ASAP3: variants seen among roughly 807,000 people sequenced by gnomAD.
ASAP3 encodes arf-GAP with SH3 domain, ANK repeat and PH domain-containing protein 3.
In ASAP3, 85 loss-of-function variants were observed where a neutral mutation model predicts 118.2. The ratio of observed to expected loss-of-function variants is 0.72; its 90% CI spans 0.60 to 0.86. The LOEUF (loss-of-function observed/expected upper bound fraction) is 0.86. Ranked by LOEUF, ASAP3 falls within the 40% of genes least tolerant of loss-of-function variation. The probability of loss-of-function intolerance (pLI) is 0.00; values close to 1 mark genes in which losing one functional copy is unlikely to be tolerated. For missense variants in ASAP3, 1,026 were observed against 1,175.0 expected (o/e 0.87, Z 1.85); for synonymous variants, 432 against 477.4 (o/e 0.90, Z 1.24).
Position 23,438,826 on chromosome 1 carries a change from C to A in ASAP3, c.1023G>T (p.Arg341=). 1 of 1,614,176 alleles carries A rather than the reference C, an allele frequency of 6.2e-7. No homozygotes were observed. Among genetic ancestry groups the A allele is most frequent in the East Asian group, 2.2e-5 (1 of 44,880 alleles). ...TCAGCAGGGTCAGCTTCACCGGGGG[C>A]CGGTTTATCTGTGGGAATTTAGGGG... The part of the protein sequence containing the change: ...CLTISHSTIN[R]PPVKLTLLTC... The change falls in exon 12 of 25, where the codon CGG becomes CGT. Residue 341 remains arginine (R), a synonymous_variant. Coordinates refer to ENST00000336689, the MANE Select transcript of ASAP3 (RefSeq NM_017707.4). The surrounding 1 kb of genome is among the most constrained non-coding windows in gnomAD (Gnocchi z 4.9).
chr1:23,431,076 C>T lies in ASAP3; in HGVS notation c.2596G>A (p.Gly866Ser). ...GGCAGAGGCTGCCTGGCTGAGGGAC[C>T]ATCTTCAGGGCTCCGCGCCCCCCGC... ...YRRGARSPEDGPSARQPLPRR... is the reference protein window; with the variant it reads ...YRRGARSPEDSPSARQPLPRR... The change falls in exon 24 of 25, where the codon GGT becomes AGT. Residue 866 changes from glycine to serine, a missense_variant. Gly to Ser is a moderately conservative substitution (Grantham distance 56). Coordinates refer to ENST00000336689, the MANE Select transcript of ASAP3 (RefSeq NM_017707.4). 1 of 1,585,846 alleles carries T rather than the reference C, an allele frequency of 6.3e-7. No homozygotes were observed. Among genetic ancestry groups the T allele is most frequent in the Non-Finnish European group, 8.6e-7 (1 of 1,166,932 alleles).
chr1:23,472,209 T>A (rs1326268002), intron 1 of ASAP3, among the ~76,000 whole-genome samples: 2 of 152,322 alleles, frequency 1.3e-5, no homozygotes, highest in Non-Finnish European at 2.9e-5. Flanking sequence ...AATTGTACAT[T>A]TTAAAATGGT....
At chr1:23,454,294 CT>C (rs1424202048) in intron 3 of ASAP3, among the ~76,000 whole-genome samples, 2 of 151,112 alleles carry the variant, frequency 1.3e-5, no homozygotes, top group Admixed American at 6.6e-5. Context: ...TCAAGTGATT[CT>C]CCTGCCTCAG....
Position 23,436,106 on chromosome 1 carries a change from T to G in ASAP3, c.1572-78A>C, listed in dbSNP as rs1260369043. ...ATCCCTGGGGCCCTCCCACAGGAGATACAGCTCTCTTTTTCTCCAGAACCA... is the reference window on the plus strand; with the variant it reads ...ATCCCTGGGGCCCTCCCACAGGAGAGACAGCTCTCTTTTTCTCCAGAACCA... On this transcript the variant is annotated intron_variant, in intron 16 of 24. Transcript: ENST00000336689. This position sits in a 1 kb window ranked among gnomAD's most constrained non-coding sequence, Gnocchi z 4.2. The G allele has an allele frequency of 1.4e-6, 2 of 1,477,964 alleles. No individual in the cohort carries two copies. The highest frequency in any genetic ancestry group is 1.9e-6 in the Non-Finnish European group (2 of 1,064,228). 91.6% of individuals were successfully genotyped at this position (1,477,964 alleles called of 1,614,324 possible). A position where few individuals can be genotyped will look rare whatever the true frequency, so the allele number is the denominator to read the frequency against.
rs900902771 is a variant in ASAP3 at position 23,467,975 on chromosome 1, GA to G, written c.130-11782del. Reference sequence around the variant, plus strand: ...TCAAAAAAAAAAAAAAAAAGAAAAAGAAAAAAAAAATACAACCTAAAACTTG... The same window carrying G: ...TCAAAAAAAAAAAAAAAAAGAAAAAGAAAAAAAAATACAACCTAAAACTTG... On this transcript the variant is annotated intron_variant, in intron 1 of 24. Transcript: ENST00000336689. 8.0e-4 allele frequency among the ~76,000 whole-genome samples: 116 copies of G among 144,366 alleles called. 1 individual carries two copies. The highest frequency in any genetic ancestry group is 1.5e-3 in the Admixed American group (21 of 14,398). 94.7% of individuals were successfully genotyped at this position (144,366 alleles called of 152,430 possible). A position where few individuals can be genotyped will look rare whatever the true frequency, so the allele number is the denominator to read the frequency against.
intron 1 of ASAP3, among the ~76,000 whole-genome samples, chr1:23,464,388 T>C (rs890592902): frequency 6.6e-6 from 1 of 151,658 alleles, no homozygotes; most frequent in Non-Finnish European, 1.5e-5. Context: ...GGTTTCGCCA[T>C]GTTGGCCAAG....
Position 23,429,828 on chromosome 1 carries a change from C to G in ASAP3, c.*28G>C. ...CCCAGCTCTGAACATTGGGGCCTAG[C>G]ATGGGGCATGTGGGGGCCAGCAAGG... On this transcript the variant is annotated 3_prime_UTR_variant, in exon 25 of 25. Coordinates refer to ENST00000336689, the MANE Select transcript of ASAP3 (RefSeq NM_017707.4). The G allele has an allele frequency of 1.2e-6, 2 of 1,609,570 alleles. No homozygotes were observed. Among genetic ancestry groups the G allele is most frequent in the Non-Finnish European group, 1.7e-6 (2 of 1,177,496 alleles).
chr1:23,441,545 G>A (rs1193403698), intron 8 of ASAP3, 72 bp from the exon 9 acceptor site: 5 of 1,600,084 alleles, frequency 3.1e-6, no homozygotes, highest in Non-Finnish European at 4.3e-6. Context: ...ACCCAGAAGA[G>A]CAGAGCAGTA....
intron 1 of ASAP3, among the ~76,000 whole-genome samples, chr1:23,483,321 G>T (rs1369864414): frequency 6.6e-6 from 1 of 152,240 alleles, no homozygotes; most frequent in African/African-American, 2.4e-5. Context: ...AGGAGCTGCG[G>T]AAAGCTGCAG....
At chr1:23,477,127 G>A (rs1371486536) in intron 1 of ASAP3, among the ~76,000 whole-genome samples, 1 of 150,320 alleles carries the variant, frequency 6.7e-6, no homozygotes. Flanking sequence ...AGCAATTCTC[G>A]TGCCTCAGCC....
intron 1 of ASAP3, among the ~76,000 whole-genome samples, chr1:23,474,571 G>C (rs1377458632): frequency 6.6e-6 from 1 of 151,788 alleles, no homozygotes; most frequent in African/African-American, 2.4e-5. Flanking sequence ...CCATTCCACA[G>C]CTTTATTTAT....
chr1:23,447,844 A>ATG (rs1273671220), intron 5 of ASAP3, among the ~76,000 whole-genome samples: 1 of 152,206 alleles, frequency 6.6e-6, no homozygotes, highest in African/African-American at 2.4e-5. Flanking sequence ...CTTTGACAAA[A>ATG]TGTACACAGC....
Position 23,455,932 on chromosome 1 carries a change from G to A in ASAP3, c.297C>T (p.Phe99=). ...SQNSHELSTG[F]LNLAVFTREV... ...CGCGGGTGAACACGGCCAAGTTTAG[G>A]AAGCCTGTGGACAGCTCATGGCTGT... Residue 99 remains phenylalanine, a synonymous_variant, in exon 3 of 25, where the codon TTC becomes TTT. Transcript: ENST00000336689. The A allele has an allele frequency of 6.2e-7, 1 of 1,614,160 alleles. No homozygotes were observed. The highest frequency in any genetic ancestry group is 8.5e-7 in the Non-Finnish European group (1 of 1,180,028).
At position 23,437,357 on chromosome 1, in the gene ASAP3, G is replaced by C. The variant is rs1640711832; in HGVS notation, c.1152-37C>G. 1 of 1,609,702 alleles carries C rather than the reference G, an allele frequency of 6.2e-7. No homozygotes were observed. The highest frequency in any genetic ancestry group is 1.3e-5 in the African/African-American group (1 of 74,872). On this transcript the variant is annotated intron_variant, in intron 13 of 24. Transcript: ENST00000336689. This position sits in a 1 kb window ranked among gnomAD's most constrained non-coding sequence, Gnocchi z 6.1. ...GAACGGGGTGGGATGGGGATGTCAA[G>C]TGGGAAGAGATAGGGCCGCCGGCCC...
At chr1:23,434,140 T>G (rs989987429) in intron 19 of ASAP3, 114 bp downstream of exon 19, 2 of 993,548 alleles carry the variant, frequency 2.0e-6, no homozygotes, top group Non-Finnish European at 3.1e-6. Flanking sequence ...GACAAACCCC[T>G]AAGATCACAG....
intron 1 of ASAP3, 27 bp from the exon 2 acceptor site, chr1:23,456,221 A>G (rs1221354634): frequency 6.2e-7 from 1 of 1,608,206 alleles, no homozygotes; most frequent in Non-Finnish European, 8.5e-7. Flanking sequence ...ACAGAGGTTC[A>G]GGGATGCCAA....
At chr1:23,449,666 A>G (rs1031724479) in intron 5 of ASAP3, among the ~76,000 whole-genome samples, 6 of 152,208 alleles carry the variant, frequency 3.9e-5, no homozygotes, top group Admixed American at 3.9e-4. Context: ...GGTGGGAGCC[A>G]GGAGACCACA....
At chr1:23,454,368 C>A (rs1198440) in intron 3 of ASAP3, among the ~76,000 whole-genome samples, 113,675 of 152,034 alleles carry the variant, frequency 0.75, 44,450 homozygotes, top group Middle Eastern at 0.89. Context: ...TGTATTTTTT[C>A]GCAAAGACAG....
intron 1 of ASAP3, among the ~76,000 whole-genome samples, chr1:23,460,412 C>CTGAGGTGGG (rs1641543305): frequency 6.7e-6 from 1 of 148,752 alleles, no homozygotes; most frequent in Non-Finnish European, 1.5e-5. Flanking sequence ...GAGGCTAAGG[C>CTGAGGTGGG]AGGAGAATCA....
Sources: gnomAD v4.1 joint callset for allele counts (sites outside exome capture counted in the v4.1 genomes callset) on GRCh38, gnomAD v4.1.1 for gene constraint, Gnocchi (gnomAD v3.1) non-coding constraint, MANE v1.5 for transcripts, NCBI Gene and HGNC (gene_info 2026-07-23, HGNC 2026-07-21) for gene names.